ASTE1: variants seen among roughly 807,000 people sequenced by gnomAD.
The protein encoded by ASTE1 is single-strand DNA endonuclease ASTE1.
Under a neutral mutation model 45.8 loss-of-function variants are expected in ASTE1, and 49 were observed. That is an observed-to-expected ratio of 1.07 (90% CI 0.85 to 1.36). The LOEUF (loss-of-function observed/expected upper bound fraction) is 1.36. ASTE1 is among the 40% of genes most tolerant of loss of function. The pLI is 0.00. For missense variants in ASTE1, 709 were observed against 804.0 expected, an observed-to-expected ratio of 0.88 and a Z score of 1.43; for synonymous variants, 296 against 303.9, an observed-to-expected ratio of 0.97 and a Z score of 0.27.
At chr3:131,017,089 T>C in intron 4 of ASTE1, 1 of 1,273,596 alleles carries the variant, frequency 7.9e-7, no homozygotes, top group Non-Finnish European at 1.0e-6. Context: ...GCCCCTTCTC[T>C]TGGACTCAGG....
chr3:131,016,382 T>C (rs1480010402), intron 4 of ASTE1, 43 bp from the exon 5 acceptor site: 1 of 1,604,432 alleles, frequency 6.2e-7, no homozygotes. Context: ...CTAAAAGCAC[T>C]GTAACAGCTT....
rs769141871 is a variant in ASTE1 at position 131,014,336 on chromosome 3, C to T, written c.1761G>A (p.Ser587=). ...VHGLCQQLLA[S]TSVESLLSIC... ...TGCTCAGGAGACTTTCTACAGAGGT[C>T]GATGCTAGCAGTTGCTGGCATAGTC... The change falls in exon 6 of 6, where the codon TCG becomes TCA. Residue 587 remains serine (S), a synonymous_variant. Coordinates refer to ENST00000264992, the MANE Select transcript of ASTE1 (RefSeq NM_014065.4). The T allele has an allele frequency of 3.1e-5, 50 of 1,612,428 alleles. No individual in the cohort carries two copies. The South Asian group carries it at 3.3e-4, about 11-fold the overall frequency.
At chr3:131,021,496 T>C (rs1577108917) in intron 3 of ASTE1, among the ~76,000 whole-genome samples, 1 of 152,354 alleles carries the variant, frequency 6.6e-6, no homozygotes, top group East Asian at 1.9e-4. Flanking sequence ...TTAAAACTAT[T>C]GTGTTGTTAA....
chr3:131,016,381 C>T lies in ASTE1; in HGVS notation c.1514-42G>A, dbSNP rs760621836. ...CCCAAGGGCAGTATTTCTAAAAGCACTGTAACAGCTTTTCATTTTCTCCAC... is the reference window on the plus strand; with the variant it reads ...CCCAAGGGCAGTATTTCTAAAAGCATTGTAACAGCTTTTCATTTTCTCCAC... On this transcript the variant is annotated intron_variant, in intron 4 of 5. Transcript: ENST00000264992. 20 of 1,599,490 alleles carry T rather than the reference C, an allele frequency of 1.3e-5. No homozygotes were observed. The East Asian group carries it at 4.2e-4, about 34-fold the overall frequency.
At chr3:131,015,053 C>T (rs1415925413) in intron 5 of ASTE1, 2 of 503,106 alleles carry the variant, frequency 4.0e-6, no homozygotes, top group African/African-American at 2.0e-5. Context: ...TCAAGAATGG[C>T]CTTAAATTAT....
chr3:131,017,595 C>G (rs540641213), intron 4 of ASTE1, among the ~76,000 whole-genome samples: 10 of 152,216 alleles, frequency 6.6e-5, no homozygotes, highest in African/African-American at 2.4e-4. Flanking sequence ...GAGGATATTC[C>G]ACTGAAGTAT....
intron 5 of ASTE1, among the ~76,000 whole-genome samples, chr3:131,015,765 CAG>C (rs1219712974): frequency 6.6e-6 from 1 of 152,088 alleles, no homozygotes; most frequent in East Asian, 1.9e-4. Flanking sequence ...TGAGGGTAGA[CAG>C]TGTGTCTCAC....
intron 4 of ASTE1, chr3:131,016,598 A>G (rs1214336726): frequency 3.3e-5 from 16 of 488,156 alleles, no homozygotes; most frequent in Non-Finnish European, 5.1e-5. Context: ...CCACTGGTCT[A>G]CTACCTGACC....
chr3:131,025,371 T>G (rs1220831304), intron 2 of ASTE1, 40 bp from the exon 3 acceptor site: 3 of 1,544,176 alleles, frequency 1.9e-6, no homozygotes, highest in South Asian at 1.3e-5. Context: ...TTGATGCTAG[T>G]TATGGGGCAC....
chr3:131,025,331 C>T lies in ASTE1; in HGVS notation c.-25G>A. 6.3e-7 allele frequency: 1 copy of T among 1,591,016 alleles called. No homozygotes were observed. Among genetic ancestry groups the T allele is most frequent in the Non-Finnish European group, 8.6e-7 (1 of 1,167,916 alleles). On this transcript the variant is annotated splice_region_variant and 5_prime_UTR_variant, in exon 3 of 6. Coordinates refer to ENST00000264992, the MANE Select transcript of ASTE1 (RefSeq NM_014065.4). ...TGATGACAGTCTAAAGAATTAATCG[C>T]CTGTTTAAAACAACAGAAAACATTT...
rs775129792 is a variant in ASTE1, at chr3:131,025,127, T to A, written c.180A>T (p.Val60=). 73 of 1,614,080 alleles carry A rather than the reference T, an allele frequency of 4.5e-5. No homozygotes were observed. The highest frequency in any genetic ancestry group is 6.1e-5 in the Non-Finnish European group (72 of 1,180,040). ...GGDYDSFADV[V]QKFFESLFAC... ...CAAACAGTGATTCAAAGAATTTTTG[T>A]ACAACATCTGCAAAAGAATCATAGT... The change falls in exon 3 of 6, where the codon GTA becomes GTT. Residue 60 remains valine, a synonymous_variant. Coordinates refer to ENST00000264992, the MANE Select transcript of ASTE1 (RefSeq NM_014065.4).
intron 4 of ASTE1, among the ~76,000 whole-genome samples, chr3:131,017,969 CAAAAAAAAAAA>C (rs10555602): frequency 2.2e-5 from 1 of 44,820 alleles, no homozygotes; most frequent in South Asian, 1.5e-3. Flanking sequence ...GACTCCATCT[CAAAAAAAAAAA>C]AAAAAAAAAA....
In ASTE1 at chr3:131,025,409, TCAATAG is replaced by T. The variant is rs1322488187; in HGVS notation, c.-26+59_-26+64del. ...AGTCATTGCTTCCAGCACCATTAAA[TCAATAG>T]CAAATGTTATGAAGTGCTCTTTAGA... On this transcript the variant is annotated intron_variant, in intron 2 of 5. Transcript: ENST00000264992. 4 of 1,500,578 alleles carry T rather than the reference TCAATAG, an allele frequency of 2.7e-6. No homozygotes were observed. The Admixed American group carries it at 9.0e-5, about 34-fold the overall frequency. The allele number at this position is 1,500,578 out of a possible 1,614,324, so 93.0% of individuals were successfully genotyped here.
At chr3:131,022,481 C>CA (rs959925955) in intron 3 of ASTE1, among the ~76,000 whole-genome samples, 15 of 150,320 alleles carry the variant, frequency 1.0e-4, no homozygotes, top group East Asian at 2.0e-4. Flanking sequence ...CCATGCCTGG[C>CA]AAAAAATTTT....
chr3:131,014,582 G>A (rs1463843358), intron 5 of ASTE1, among the ~76,000 whole-genome samples, 195 bp from the exon 6 acceptor site: 2 of 152,142 alleles, frequency 1.3e-5, no homozygotes, highest in African/African-American at 4.8e-5. Flanking sequence ...ATTCTTTGCT[G>A]GTGATACTTA....
chr3:131,021,448 G>GCA (rs1377309907), intron 3 of ASTE1, among the ~76,000 whole-genome samples: 1 of 152,154 alleles, frequency 6.6e-6, no homozygotes, highest in African/African-American at 2.4e-5. Flanking sequence ...TGGAATAAAA[G>GCA]CCAGATGAAA....
Position 131,025,313 on chromosome 3 carries a change from A to T in ASTE1, c.-7T>A, listed in dbSNP as rs754721862. ...TTAGTCCTCGGATACCCATGATGAC[A>T]GTCTAAAGAATTAATCGCCTGTTTA... On this transcript the variant is annotated 5_prime_UTR_variant, in exon 3 of 6. Coordinates refer to ENST00000264992, the MANE Select transcript of ASTE1 (RefSeq NM_014065.4). The T allele has an allele frequency of 6.2e-7, 1 of 1,602,922 alleles. No homozygotes were observed. The highest frequency in any genetic ancestry group is 8.5e-7 in the Non-Finnish European group (1 of 1,173,842).
chr3:131,023,776 A>G (rs2063772910), intron 3 of ASTE1, among the ~76,000 whole-genome samples: 1 of 152,166 alleles, frequency 6.6e-6, no homozygotes, highest in African/African-American at 2.4e-5. Flanking sequence ...AGTACAGTGG[A>G]AATGGTAGAT....
rs2063628418 is a variant in ASTE1, at chr3:131,016,232, T to G, written c.1621A>C (p.Ile541Leu). 6.2e-7 allele frequency: 1 copy of G among 1,614,184 alleles called. No homozygotes were observed. Among genetic ancestry groups the G allele is most frequent in the Non-Finnish European group, 8.5e-7 (1 of 1,180,028 alleles). ...GTRLDLDTAHIFCQWQSCLQM... is the reference protein window; with the variant it reads ...GTRLDLDTAHLFCQWQSCLQM... ...AGACAGGACTGCCACTGACAGAAGA[T>G]GTGAGCTGTGTCTAAGTCCAGTCTT... Residue 541 changes from isoleucine to leucine, a missense_variant, in exon 5 of 6, where the codon ATC becomes CTC. Physicochemically the swap from Ile to Leu is conservative, Grantham distance 5. Coordinates refer to ENST00000264992, the MANE Select transcript of ASTE1 (RefSeq NM_014065.4).
Sources: allele counts gnomAD v4.1 joint callset (sites outside exome capture counted in the v4.1 genomes callset), GRCh38; gene constraint gnomAD v4.1.1; transcripts MANE v1.5; gene names NCBI Gene and HGNC (gene_info 2026-07-23, HGNC 2026-07-21).